Variants in PRKD3 observed in about 807,000 individuals in gnomAD.
The protein encoded by PRKD3 is serine/threonine-protein kinase D3.
A neutral mutation model predicts 99.2 loss-of-function variants in PRKD3; 47 were observed. The observed-to-expected ratio is 0.47, with a 90% CI of 0.38 to 0.60. The LOEUF is 0.60. Among genes scored for constraint, PRKD3 ranks in the 20% least tolerant of loss-of-function variants. The pLI is 0.00. For synonymous variants in PRKD3, 392 were observed against 355.4 expected (o/e 1.10, Z -1.16); for missense variants, 1,019 against 1,088.4 (o/e 0.94, Z 0.90).
At chr2:37,255,253 C>T (rs758690152) in intron 17 of PRKD3, among the ~76,000 whole-genome samples, 7 of 152,166 alleles carry the variant, frequency 4.6e-5, no homozygotes, top group African/African-American at 7.2e-5. Flanking sequence ...TGTTCTTAAA[C>T]TTTTCCCAGT....
chr2:37,320,840 C>T (rs1025751338), intron 1 of PRKD3, among the ~76,000 whole-genome samples: 11 of 152,108 alleles, frequency 7.2e-5, no homozygotes, highest in Non-Finnish European at 1.0e-4. Context: ...TTTATCAGAA[C>T]AAATTACAAC....
At chr2:37,268,054 C>A in intron 13 of PRKD3, 1 of 195,590 alleles carries the variant, frequency 5.1e-6, no homozygotes, top group Non-Finnish European at 1.0e-5. Flanking sequence ...CAGTCATTCC[C>A]TCATTTATTA....
intron 3 of PRKD3, chr2:37,292,916 G>A: frequency 2.6e-6 from 1 of 379,836 alleles, no homozygotes; most frequent in Non-Finnish European, 4.6e-6. Flanking sequence ...AAAGTGCTGG[G>A]CTTACAGGTG....
intron 5 of PRKD3, among the ~76,000 whole-genome samples, chr2:37,287,181 G>A (rs145087581): frequency 7.8e-6 from 1 of 127,836 alleles, no homozygotes; most frequent in Non-Finnish European, 1.6e-5. Flanking sequence ...GGTAAGCCGA[G>A]ATCATGCCAT....
chr2:37,314,122 G>A (rs931712323), intron 2 of PRKD3, among the ~76,000 whole-genome samples: 1 of 152,080 alleles, frequency 6.6e-6, no homozygotes, highest in African/African-American at 2.4e-5. Flanking sequence ...GAAAAGATAA[G>A]AGAAAGTAGA....
intron 2 of PRKD3, among the ~76,000 whole-genome samples, chr2:37,306,875 A>G (rs2124882311): frequency 6.6e-6 from 1 of 152,338 alleles, no homozygotes; most frequent in East Asian, 1.9e-4. Context: ...GCTGCAATTC[A>G]TATTTGTAAG....
At chr2:37,294,612 A>G (rs1184301120) in intron 2 of PRKD3, among the ~76,000 whole-genome samples, 3 of 152,328 alleles carry the variant, frequency 2.0e-5, no homozygotes, top group South Asian at 2.1e-4. Context: ...AGAATTCTCA[A>G]TTAAAAAGAT....
rs370001540 is a variant in PRKD3 at position 37,269,715 on chromosome 2, T to G, written c.1705-28A>C. 1.3e-5 allele frequency: 20 copies of G among 1,499,810 alleles called. No individual in the cohort carries two copies. In the African/African-American group the frequency reaches 2.5e-4, roughly 19 times the overall value. The allele number at this position is 1,499,810 out of a possible 1,614,324, so 92.9% of individuals were successfully genotyped here. Reference sequence around the variant, plus strand: ...GGTAGGATAAAGTAAGGAGTTAGTATTATTTATTTCTATAATACAATGTCA... The same window carrying G: ...GGTAGGATAAAGTAAGGAGTTAGTAGTATTTATTTCTATAATACAATGTCA... On this transcript the variant is annotated intron_variant, in intron 12 of 18. Transcript: ENST00000234179.
intron 3 of PRKD3, 29 bp from the exon 4 acceptor site, chr2:37,291,028 C>A (rs775366805): frequency 9.5e-6 from 15 of 1,573,398 alleles, no homozygotes; most frequent in Non-Finnish European, 8.6e-7. Flanking sequence ...TTACAATACA[C>A]GTTGTATTTG....
At position 37,275,813 on chromosome 2, in the gene PRKD3, T is replaced by C; in HGVS notation, c.1328A>G (p.Lys443Arg). Residue 443 changes from lysine (K) to arginine (R), a missense_variant, in exon 10 of 19, where the codon AAA becomes AGA. Transcript: ENST00000234179. ...RKRHYWRLDS[K>R]CLTLFQNESG... is the part of the protein sequence containing the mutation. ...TTCATTCTGAAATAATGTTAGACAT[T>C]TGCTGTCAAGTCTCCAATAATGCCT... 2 of 1,609,224 alleles carry C rather than the reference T, an allele frequency of 1.2e-6. No homozygotes were observed. Among genetic ancestry groups the C allele is most frequent in the Non-Finnish European group, 1.7e-6 (2 of 1,177,788 alleles).
chr2:37,307,196 A>C (rs904755458), intron 2 of PRKD3, among the ~76,000 whole-genome samples: 1 of 152,230 alleles, frequency 6.6e-6, no homozygotes, highest in Non-Finnish European at 1.5e-5. Flanking sequence ...AGATGAAAAC[A>C]ATTTAACTTG....
rs181372717 is a variant in PRKD3 at position 37,311,860 on chromosome 2, G to A, written c.288+4377C>T. ...TCTTAAACAGACTCCCACTCCCAAA[G>A]GACCTGATTTAATTGGTCTAGGAAG... is the stretch of plus-strand genomic sequence containing the variant. On this transcript the variant is annotated intron_variant, in intron 2 of 18. Transcript: ENST00000234179. Among the ~76,000 whole-genome samples, 42 of 152,194 alleles carry A rather than the reference G, an allele frequency of 2.8e-4. No homozygotes were observed. In the East Asian group the frequency reaches 7.7e-3, roughly 28 times the overall value.
At chr2:37,275,906 C>G in intron 9 of PRKD3, 62 bp from the exon 10 acceptor site, 1 of 1,531,182 alleles carries the variant, frequency 6.5e-7, no homozygotes, top group Non-Finnish European at 8.8e-7. Context: ...GTGCTTGTAC[C>G]TAACTTTTCC....
In PRKD3 at chr2:37,256,896, T is replaced by C; in HGVS notation, c.2179A>G (p.Ile727Val). 5 of 1,614,110 alleles carry C rather than the reference T, an allele frequency of 3.1e-6. No individual in the cohort carries two copies. Among genetic ancestry groups the C allele is most frequent in the Non-Finnish European group, 4.2e-6 (5 of 1,180,020 alleles). ...GATCTCCTGAATGACTTTTCACCAATGATGCGTGCAAATCCAAAGTCACAC... is the reference window on the plus strand; with the variant it reads ...GATCTCCTGAATGACTTTTCACCAACGATGCGTGCAAATCCAAAGTCACAC... ...KLCDFGFARI[I>V]GEKSFRRSVV... is the part of the protein sequence containing the mutation. The change falls in exon 17 of 19, where the codon ATT becomes GTT. Residue 727 changes from isoleucine to valine, a missense_variant. By Grantham distance (29) the Ile-to-Val change is conservative. This residue lies in a region of PRKD3 where 184 missense variants were observed against 275.1 expected (regional missense o/e 0.67). Coordinates refer to ENST00000234179, the MANE Select transcript of PRKD3 (RefSeq NM_005813.6).
intron 12 of PRKD3, among the ~76,000 whole-genome samples, chr2:37,271,096 A>G (rs1217299272): frequency 6.6e-6 from 1 of 152,216 alleles, no homozygotes; most frequent in Non-Finnish European, 1.5e-5. Context: ...TCTTCATTGC[A>G]GTCTTAGAAA....
chr2:37,261,737 G>A lies in PRKD3; in HGVS notation c.1885-1353C>T, dbSNP rs544287981. Among the ~76,000 whole-genome samples, 10 of 152,314 alleles carry A rather than the reference G, an allele frequency of 6.6e-5. No homozygotes were observed. The East Asian group carries it at 1.3e-3, about 21-fold the overall frequency. ...AGAGGTTGCGGTGAGCTGAGATTGC[G>A]CCATTGCACTCTAGCCTGGGCAACA... On this transcript the variant is annotated intron_variant, in intron 14 of 18. Coordinates refer to ENST00000234179, the MANE Select transcript of PRKD3 (RefSeq NM_005813.6).
intron 2 of PRKD3, among the ~76,000 whole-genome samples, chr2:37,314,793 T>C (rs1214825771): frequency 1.3e-5 from 2 of 152,138 alleles, no homozygotes; most frequent in African/African-American, 4.8e-5. Context: ...ATAAAAAAAT[T>C]ACAATCTAGT....
chr2:37,254,053 A>G, intron 18 of PRKD3, 151 bp downstream of exon 18: 1 of 622,800 alleles, frequency 1.6e-6, no homozygotes, highest in Non-Finnish European at 2.9e-6. Flanking sequence ...TGAATGCTGT[A>G]TGGTTTCCAG....
At chr2:37,306,832 A>T (rs1217618913) in intron 2 of PRKD3, among the ~76,000 whole-genome samples, 1 of 152,178 alleles carries the variant, frequency 6.6e-6, no homozygotes. Context: ...AAAAATGCCC[A>T]GGCAAAACTA....
Sources: allele counts gnomAD v4.1 joint callset (sites outside exome capture counted in the v4.1 genomes callset), GRCh38; gene constraint gnomAD v4.1.1; regional missense constraint gnomAD v4.1.1; transcripts MANE v1.5; gene names NCBI Gene and HGNC (gene_info 2026-07-23, HGNC 2026-07-21).